HEXA: variants seen among roughly 807,000 people sequenced by gnomAD.
The protein encoded by HEXA is hexosaminidase subunit alpha, also known as beta-hexosaminidase subunit alpha.
Under a neutral mutation model 73.3 loss-of-function variants are expected in HEXA, and 54 were observed. The ratio of observed to expected loss-of-function variants is 0.74; its 90% confidence interval spans 0.59 to 0.92. The LOEUF (loss-of-function observed/expected upper bound fraction) is 0.92, where lower values mean the gene tolerates loss of function less well. HEXA is among the 40% of genes least tolerant of loss of function. The probability of loss-of-function intolerance (pLI) is 0.00; values close to 1 mark genes in which losing one functional copy is unlikely to be tolerated. For synonymous variants in HEXA, 230 were observed against 246.9 expected, an observed-to-expected ratio of 0.93 and a Z score of 0.64; for missense variants, 649 against 653.0, an observed-to-expected ratio of 0.99 and a Z score of 0.07.
At chr15:72,374,186 C>T (rs1460746987) in intron 1 of HEXA, among the ~76,000 whole-genome samples, 1 of 151,694 alleles carries the variant, frequency 6.6e-6, no homozygotes, top group Non-Finnish European at 1.5e-5. Context: ...CTTCAGAGTG[C>T]CCAGCACTGG....
rs1595802080 is a variant in HEXA, at chr15:72,353,579, C to CTA, written c.459+110_459+111dup. 3.1e-5 allele frequency: 25 copies of CTA among 800,806 alleles called. No homozygotes were observed. The East Asian group carries it at 6.1e-4, about 20-fold the overall frequency. The allele number at this position is 800,806 out of a possible 1,614,324, so 49.6% of individuals were successfully genotyped here. A position where few individuals can be genotyped will look rare whatever the true frequency, so the allele number is the denominator to read the frequency against. ...ATCTCCTCTTCCATTTCTACTGGGG[C>CTA]TATCTCAAGCCACCAGGATCCTAAG... On this transcript the variant is annotated intron_variant, in intron 4 of 13. Transcript: ENST00000268097.
In HEXA at chr15:72,347,757, G is replaced by T. The variant is rs1275028180; in HGVS notation, c.1075C>A (p.Leu359Met). Reference sequence around the variant, plus strand: ...CCATAAGAAGAGACGATGTCCAGCAGCCTGGAGAGGAGAGGAGTGTCTAGT... The same window carrying T: ...CCATAAGAAGAGACGATGTCCAGCATCCTGGAGAGGAGAGGAGTGTCTAGT... ...KQLESFYIQT[L>M]LDIVSSYGKG... Residue 359 changes from leucine (L) to methionine (M), a missense_variant and splice_region_variant, in exon 10 of 14, where the codon CTG (leucine) becomes ATG (methionine). Transcript: ENST00000268097. The T allele has an allele frequency of 1.9e-6, 3 of 1,613,922 alleles. No homozygotes were observed. The highest frequency in any genetic ancestry group is 1.7e-6 in the Non-Finnish European group (2 of 1,179,842).
intron 2 of HEXA, among the ~76,000 whole-genome samples, chr15:72,356,253 C>A (rs375298194): frequency 6.6e-6 from 1 of 152,140 alleles, no homozygotes; most frequent in African/African-American, 2.4e-5. Flanking sequence ...TATACACTTT[C>A]CTAAAATAGA....
chr15:72,363,282 C>G (rs2088874797), intron 1 of HEXA, among the ~76,000 whole-genome samples: 1 of 152,170 alleles, frequency 6.6e-6, no homozygotes. Context: ...GAGGAGATCA[C>G]AGTCTAGCAG....
At position 72,375,956 on chromosome 15, in the gene HEXA, A is replaced by T; in HGVS notation, c.17T>A (p.Leu6His). Residue 6 changes from leucine (L) to histidine (H), a missense_variant, in exon 1 of 14, where the codon CTT becomes CAT. Coordinates refer to ENST00000268097, the MANE Select transcript of HEXA (RefSeq NM_000520.6). MTSSRLWFSLLLAAAF... is the reference protein window; with the variant it reads MTSSRHWFSLLLAAAF... ...TGCCGCCAGCAGCAGCGAAAACCAAAGCCTGGAGCTTGTCATGGCCCGCTG... is the reference window on the plus strand; with the variant it reads ...TGCCGCCAGCAGCAGCGAAAACCAATGCCTGGAGCTTGTCATGGCCCGCTG... The T allele has an allele frequency of 1.2e-6, 2 of 1,613,684 alleles. No homozygotes were observed. Among genetic ancestry groups the T allele is most frequent in the Non-Finnish European group, 1.7e-6 (2 of 1,179,966 alleles).
chr15:72,348,995 G>A, intron 8 of HEXA, 84 bp downstream of exon 8: 1 of 1,107,448 alleles, frequency 9.0e-7, no homozygotes, highest in Admixed American at 1.7e-5. Context: ...AGCAGCAGCT[G>A]AGCTAAGCAG....
intron 7 of HEXA, 79 bp downstream of exon 7, chr15:72,350,439 A>G: frequency 2.0e-6 from 3 of 1,473,602 alleles, no homozygotes; most frequent in Non-Finnish European, 2.8e-6. Flanking sequence ...GGGATATGCC[A>G]CTTCCATGAG....
chr15:72,346,992 G>C (rs976626229), intron 10 of HEXA, among the ~76,000 whole-genome samples: 3 of 151,802 alleles, frequency 2.0e-5, no homozygotes, highest in East Asian at 3.9e-4. Flanking sequence ...GAGGCAAGCA[G>C]TGGGACCCAG....
chr15:72,360,959 G>A (rs2088845439), intron 1 of HEXA, among the ~76,000 whole-genome samples: 1 of 152,178 alleles, frequency 6.6e-6, no homozygotes, highest in South Asian at 2.1e-4. Flanking sequence ...TTTTGTAGCT[G>A]CTTCCTTACA....
In HEXA at chr15:72,346,246, G is replaced by A; in HGVS notation, c.1410C>T (p.Val470=). The change falls in exon 12 of 14, where the codon GTC becomes GTT. Residue 470 remains valine (V), a synonymous_variant. Transcript: ENST00000268097. ...WGEYVDNTNL[V]PRLWPRAGAV... ...CCGAAAACCCTTACCAGAGCCTGGG[G>A]ACCAGGTTTGTGTTGTCCACATATT... 1 of 1,613,430 alleles carries A rather than the reference G, an allele frequency of 6.2e-7. No homozygotes were observed. Among genetic ancestry groups the A allele is most frequent in the South Asian group, 1.1e-5 (1 of 91,018 alleles).
intron 1 of HEXA, chr15:72,358,948 A>G (rs549176394): frequency 2.0e-5 from 3 of 152,502 alleles, no homozygotes; most frequent in African/African-American, 7.2e-5. Flanking sequence ...ACCCGCCCAC[A>G]CCCTGAACAC....
chr15:72,346,761 T>C (rs753737532), intron 10 of HEXA, 51 bp from the exon 11 acceptor site: 1 of 1,566,354 alleles, frequency 6.4e-7, no homozygotes, highest in Non-Finnish European at 8.8e-7. Flanking sequence ...AGGAGATTCC[T>C]GGGCCTTATT....
chr15:72,347,838 T>A, intron 9 of HEXA, 80 bp from the exon 10 acceptor site: 1 of 1,379,134 alleles, frequency 7.3e-7, no homozygotes, highest in East Asian at 2.3e-5. Context: ...GCTCTAGGGG[T>A]TGAGCCTGGC....
chr15:72,362,408 A>T (rs766013784), intron 1 of HEXA: 24 of 455,474 alleles, frequency 5.3e-5, no homozygotes, highest in Non-Finnish European at 1.1e-4. Flanking sequence ...GGAGGGACCA[A>T]TCTCAGTGTC....
chr15:72,362,117 T>C (rs1253599447), intron 1 of HEXA, among the ~76,000 whole-genome samples: 1 of 152,224 alleles, frequency 6.6e-6, no homozygotes. Context: ...AACAATGAAC[T>C]CTTAACAGAA....
intron 2 of HEXA, among the ~76,000 whole-genome samples, 175 bp downstream of exon 2, chr15:72,356,350 A>G (rs2088779020): frequency 6.6e-6 from 1 of 152,184 alleles, no homozygotes; most frequent in Non-Finnish European, 1.5e-5. Flanking sequence ...AGCACTGGTT[A>G]AGTTTCTGCA....
rs267606862 is a variant in HEXA at position 72,346,681 on chromosome 15, C to T, written c.1176G>A (p.Trp392Ter). 6.2e-7 allele frequency: 1 copy of T among 1,614,164 alleles called. No individual in the cohort carries two copies. Among genetic ancestry groups the T allele is most frequent in the African/African-American group, 1.3e-5 (1 of 75,042 alleles). The change falls in exon 11 of 14, where the codon TGG becomes TGA. Residue 392 changes from tryptophan (W) to a stop codon, truncating the protein, a stop_gained. Transcript: ENST00000268097. LOFTEE classifies it high-confidence loss of function. ...KIQPDTIIQV[W>*]REDIPVNYMK... ...TATAGTTCACTGGAATATCCTCTCG[C>T]CACACCTGTATGATTGTGTCTGGCT...
chr15:72,370,723 G>GA (rs2088980770), intron 1 of HEXA: 2 of 152,198 alleles, frequency 1.3e-5, no homozygotes, highest in African/African-American at 2.7e-5. Context: ...GAAAAGAAAA[G>GA]AAAAAAACAG....
intron 2 of HEXA, 51 bp downstream of exon 2, chr15:72,356,474 G>A: frequency 1.9e-6 from 3 of 1,604,132 alleles, no homozygotes; most frequent in Non-Finnish European, 2.6e-6. Flanking sequence ...CAGAGTTACA[G>A]CTTCAGACAA....
Sources: gnomAD v4.1 joint callset for allele counts (sites outside exome capture counted in the v4.1 genomes callset) on GRCh38, gnomAD v4.1.1 for gene constraint, MANE v1.5 for transcripts, NCBI Gene and HGNC (gene_info 2026-07-23, HGNC 2026-07-21) for gene names.